MAPK10: variants seen among roughly 807,000 people sequenced by gnomAD.
The protein encoded by MAPK10 is mitogen-activated protein kinase 10.
In MAPK10, 25 loss-of-function variants were observed where a neutral mutation model predicts 59.3. That is an observed-to-expected ratio of 0.42 (90% confidence interval 0.31 to 0.59). MAPK10 has a LOEUF of 0.59. Among genes scored for constraint, MAPK10 ranks in the 20% least tolerant of loss-of-function variants. The probability of loss-of-function intolerance (pLI) is 0.15; values close to 1 mark genes in which losing one functional copy is unlikely to be tolerated. For missense variants in MAPK10, 351 were observed against 568.9 expected, an observed-to-expected ratio of 0.62 and a Z score of 3.90; for synonymous variants, 190 against 200.5, an observed-to-expected ratio of 0.95 and a Z score of 0.44.
At chr4:86,201,968 T>C (rs950377807) in intron 2 of MAPK10, among the ~76,000 whole-genome samples, 2 of 151,902 alleles carry the variant, frequency 1.3e-5, no homozygotes, top group Admixed American at 1.3e-4. Flanking sequence ...TGAGCTATTG[T>C]GTTACATATT....
At chr4:86,303,431 A>G (rs570460523) in intron 2 of MAPK10, among the ~76,000 whole-genome samples, 1 of 152,358 alleles carries the variant, frequency 6.6e-6, no homozygotes, top group Admixed American at 6.5e-5. Flanking sequence ...AGTGATATAA[A>G]GATGAAAAAA....
chr4:86,459,218 C>T (rs755989587), intron 1 of MAPK10, among the ~76,000 whole-genome samples: 10 of 152,184 alleles, frequency 6.6e-5, no homozygotes, highest in Non-Finnish European at 1.2e-4. Context: ...TGCAATACCA[C>T]CTTACTCTTG....
chr4:86,232,666 C>A (rs796352599), intron 2 of MAPK10, among the ~76,000 whole-genome samples: 13 of 152,302 alleles, frequency 8.5e-5, no homozygotes, highest in African/African-American at 2.2e-4. Context: ...AGCCACCACG[C>A]CCGGCCTAGA....
At chr4:86,371,903 A>G (rs1449082424) in intron 1 of MAPK10, among the ~76,000 whole-genome samples, 1 of 152,146 alleles carries the variant, frequency 6.6e-6, no homozygotes, top group African/African-American at 2.4e-5. Flanking sequence ...AGACCTACAA[A>G]GAGACTTAGA....
At chr4:86,551,333 C>G (rs1759755923) in intron 1 of MAPK10, among the ~76,000 whole-genome samples, 1 of 152,056 alleles carries the variant, frequency 6.6e-6, no homozygotes, top group Non-Finnish European at 1.5e-5. Flanking sequence ...TGAAACTAGG[C>G]AAAATGAGAT....
intron 2 of MAPK10, among the ~76,000 whole-genome samples, chr4:86,309,628 G>A (rs963267576): frequency 6.6e-6 from 1 of 152,076 alleles, no homozygotes; most frequent in Admixed American, 6.6e-5. Flanking sequence ...AATTAGTCTC[G>A]ATTCAATTCC....
At chr4:86,082,335 T>G (rs1393102201) in intron 9 of MAPK10, 2 of 152,202 alleles carry the variant, frequency 1.3e-5, no homozygotes, top group Non-Finnish European at 2.9e-5. Context: ...CATTTCATAT[T>G]AACTCACTTG....
At chr4:86,036,836 T>C (rs955730078) in intron 11 of MAPK10, among the ~76,000 whole-genome samples, 1 of 152,180 alleles carries the variant, frequency 6.6e-6, no homozygotes, top group Non-Finnish European at 1.5e-5. Flanking sequence ...CCTTTAAGTG[T>C]TGTGGTTTGG....
chr4:86,034,737 T>A (rs2039832683), intron 11 of MAPK10, among the ~76,000 whole-genome samples: 1 of 152,080 alleles, frequency 6.6e-6, no homozygotes, highest in Non-Finnish European at 1.5e-5. Context: ...GGTGGAGAAG[T>A]CCTAACAAAG....
chr4:86,577,300 G>A (rs567601640), intron 1 of MAPK10, among the ~76,000 whole-genome samples: 1 of 152,162 alleles, frequency 6.6e-6, no homozygotes, highest in East Asian at 1.9e-4. Context: ...GACAGAGAAA[G>A]ACCTTGTCTC....
intron 2 of MAPK10, among the ~76,000 whole-genome samples, chr4:86,286,801 C>T (rs2095031643): frequency 6.6e-6 from 1 of 152,140 alleles, no homozygotes; most frequent in African/African-American, 2.4e-5. Flanking sequence ...CATCTCCCCA[C>T]CTAATAGTAG....
chr4:86,289,089 G>C (rs1464645952), intron 2 of MAPK10, among the ~76,000 whole-genome samples: 1 of 152,196 alleles, frequency 6.6e-6, no homozygotes, highest in Non-Finnish European at 1.5e-5. Flanking sequence ...AGATAGAGTA[G>C]TCAGATATGG....
intron 2 of MAPK10, among the ~76,000 whole-genome samples, chr4:86,309,523 C>T (rs1173120247): frequency 6.6e-6 from 1 of 152,190 alleles, no homozygotes; most frequent in African/African-American, 2.4e-5. Flanking sequence ...TCCAGCAATA[C>T]TGAAGTAACC....
At chr4:86,489,217 C>T (rs1344442624) in intron 1 of MAPK10, among the ~76,000 whole-genome samples, 1 of 152,170 alleles carries the variant, frequency 6.6e-6, no homozygotes, top group African/African-American at 2.4e-5. Context: ...GATCCCATAC[C>T]TTAATTGTGA....
At chr4:86,374,019 T>A (rs1739355040) in intron 1 of MAPK10, among the ~76,000 whole-genome samples, 1 of 151,842 alleles carries the variant, frequency 6.6e-6, no homozygotes, top group Non-Finnish European at 1.5e-5. Context: ...TGACCATCAA[T>A]AACAGACTGG....
chr4:86,309,060 A>T (rs899592132), intron 2 of MAPK10, among the ~76,000 whole-genome samples: 3 of 152,124 alleles, frequency 2.0e-5, no homozygotes, highest in African/African-American at 7.2e-5. Context: ...TATATCCTAC[A>T]ATCTTTACAT....
chr4:86,358,361 C>T, intron 1 of MAPK10: 24 of 985,384 alleles, frequency 2.4e-5, no homozygotes, highest in Non-Finnish European at 2.8e-5. Flanking sequence ...GCTGGCAATG[C>T]CTGGTGCACT....
At chr4:86,086,423 C>T (rs865774679) in intron 9 of MAPK10, among the ~76,000 whole-genome samples, 84 of 151,830 alleles carry the variant, frequency 5.5e-4, no homozygotes, top group African/African-American at 1.9e-3. Context: ...GTTTGTAACA[C>T]AAAGGATAAA....
chr4:86,491,493 A>G (rs781639265), intron 1 of MAPK10, among the ~76,000 whole-genome samples: 1 of 152,202 alleles, frequency 6.6e-6, no homozygotes, highest in Non-Finnish European at 1.5e-5. Flanking sequence ...TAAAAACTCC[A>G]GACACTCCTC....
Sources: allele counts gnomAD v4.1 joint callset (sites outside exome capture counted in the v4.1 genomes callset), GRCh38; gene constraint gnomAD v4.1.1; transcripts MANE v1.5; gene names NCBI Gene and HGNC (gene_info 2026-07-23, HGNC 2026-07-21).